Variants in GRK1 observed in about 807,000 individuals in gnomAD.
GRK1 encodes rhodopsin kinase GRK1.
A neutral mutation model predicts 41.7 loss-of-function variants in GRK1; 28 were observed. The observed-to-expected ratio is 0.67, with a 90% CI of 0.50 to 0.92. GRK1 has a LOEUF of 0.92. Among genes scored for constraint, GRK1 ranks in the 40% least tolerant of loss-of-function variants. GRK1 has a pLI of 0.00. For missense variants in GRK1, 703 were observed against 671.2 expected, an observed-to-expected ratio of 1.05 and a Z score of -0.52; for synonymous variants, 327 against 286.7, an observed-to-expected ratio of 1.14 and a Z score of -1.42.
In GRK1 at chr13:113,733,195, C is replaced by T. The variant is rs978434749; in HGVS notation, c.1396+110C>T. The T allele has an allele frequency of 1.1e-5, 12 of 1,075,004 alleles. No homozygotes were observed. The South Asian group carries it at 1.6e-4, about 15-fold the overall frequency. 66.6% of individuals were successfully genotyped at this position (1,075,004 alleles called of 1,614,324 possible). ...GTCGGCAGGGAGGAGTGCCTCAGACCCCCAAGGCTCTCCCTCTGCCCCCAG... is the reference window on the plus strand; with the variant it reads ...GTCGGCAGGGAGGAGTGCCTCAGACTCCCAAGGCTCTCCCTCTGCCCCCAG... On this transcript the variant is annotated intron_variant, in intron 6 of 6. Transcript: ENST00000335678.
intron 4 of GRK1, among the ~76,000 whole-genome samples, chr13:113,725,057 A>C (rs930948603): frequency 6.6e-6 from 1 of 152,248 alleles, no homozygotes; most frequent in Non-Finnish European, 1.5e-5. Context: ...GGCTGGGCTC[A>C]GGCTGTGACC....
rs2049858515 is a variant in GRK1 at position 113,671,641 on chromosome 13, C to T, written c.970C>T (p.Leu324=). The T allele has an allele frequency of 1.3e-6, 1 of 765,330 alleles. No individual in the cohort carries two copies. The highest frequency in any genetic ancestry group is 1.7e-5 in the African/African-American group (1 of 59,142). The allele number at this position is 765,330 out of a possible 1,614,324, so 47.4% of individuals were successfully genotyped here. ...CCGCGACCTCAAGCCCGAGAACGTG[C>T]TGCTGGACAATGACGGTAGGAGGTG... ...VYRDLKPENV[L]LDNDGNVRIS... is the part of the protein sequence containing the mutation. Residue 324 remains leucine, a synonymous_variant, in exon 3 of 7, where the codon CTG becomes TTG. Transcript: ENST00000335678. This position sits in a 1 kb window ranked among gnomAD's most constrained non-coding sequence, Gnocchi z 4.1.
At chr13:113,661,870 A>T in the GRK1 span, among the ~76,000 whole-genome samples, 2,863 of 152,350 alleles carry the variant, frequency 0.019, 99 homozygotes, top group African/African-American at 0.063. Flanking sequence ...CTAGGCCCAG[A>T]TGATTTCATG....
chr13:113,723,825 T>C (rs1484341036), intron 4 of GRK1, among the ~76,000 whole-genome samples: 1 of 146,742 alleles, frequency 6.8e-6, no homozygotes, highest in Non-Finnish European at 1.5e-5. Flanking sequence ...TGCCCATGCC[T>C]GTGTCTCTGT....
At chr13:113,666,434 G>C (rs765813018), upstream of GRK1, among the ~76,000 whole-genome samples, 7 of 150,878 alleles carry the variant, frequency 4.6e-5, no homozygotes, top group Admixed American at 2.6e-4. Context: ...TGTCCCAGCT[G>C]TCCCAGGTGT....
the GRK1 span, among the ~76,000 whole-genome samples, chr13:113,656,193 G>GC: frequency 2.1e-4 from 32 of 152,314 alleles, no homozygotes; most frequent in African/African-American, 7.7e-4. Context: ...CCTGGTGCTG[G>GC]CCCTGCAGGT....
chr13:113,733,906 CATACAGTGTGCGT>C, intron 6 of GRK1, among the ~76,000 whole-genome samples: 1 of 65,160 alleles, frequency 1.5e-5, no homozygotes, highest in Non-Finnish European at 2.6e-5. Context: ...TGTATGTGTG[CATACAGTGTGCGT>C]GTGTGCATGT....
the GRK1 span, among the ~76,000 whole-genome samples, chr13:113,659,703 G>A: frequency 6.6e-6 from 1 of 152,166 alleles, no homozygotes; most frequent in Non-Finnish European, 1.5e-5. Flanking sequence ...AAAGTGTTAG[G>A]ATTACAAGCG....
chr13:113,658,320 A>T, the GRK1 span: 1 of 620,754 alleles, frequency 1.6e-6, no homozygotes, highest in Non-Finnish European at 2.7e-6. Flanking sequence ...GCCTCACCAA[A>T]CACCAGGGGC....
chr13:113,734,061 CAT>C (rs879338361), intron 6 of GRK1, among the ~76,000 whole-genome samples: 10 of 149,944 alleles, frequency 6.7e-5, no homozygotes, highest in East Asian at 1.9e-4. Flanking sequence ...CGTGTGTGTG[CAT>C]GTGTGTGCGT....
At chr13:113,658,209 G>T in the GRK1 span, 2 of 1,459,872 alleles carry the variant, frequency 1.4e-6, no homozygotes, top group Non-Finnish European at 1.9e-6. Context: ...GAGGCCAGAT[G>T]CCCACCTCTG....
intron 4 of GRK1, among the ~76,000 whole-genome samples, chr13:113,728,508 T>A (rs147996505): frequency 1.3e-5 from 2 of 150,196 alleles, no homozygotes; most frequent in Non-Finnish European, 3.0e-5. Flanking sequence ...CCCATGGTGA[T>A]GAGTACCCAT....
the GRK1 span, among the ~76,000 whole-genome samples, chr13:113,662,147 T>C: frequency 6.6e-6 from 1 of 152,214 alleles, no homozygotes; most frequent in Admixed American, 6.5e-5. Flanking sequence ...ATTCCAGGAA[T>C]GCAAGGCTGG....
upstream of GRK1, among the ~76,000 whole-genome samples, chr13:113,666,278 G>T (rs1173054900): frequency 6.7e-6 from 1 of 150,004 alleles, no homozygotes; most frequent in Admixed American, 6.6e-5. Context: ...TCTCAGGTGT[G>T]CCCCAGGTGT....
upstream of GRK1, chr13:113,667,155 C>T (rs2049823508): frequency 3.9e-6 from 2 of 519,140 alleles, no homozygotes; most frequent in Non-Finnish European, 6.8e-6. This position sits in a 1 kb window ranked among gnomAD's most constrained non-coding sequence, Gnocchi z 7.5. Flanking sequence ...CCTAAGCGTC[C>T]TCCGTGACCC....
chr13:113,726,916 A>G (rs568195082), intron 4 of GRK1, among the ~76,000 whole-genome samples: 1 of 152,342 alleles, frequency 6.6e-6, no homozygotes, highest in Admixed American at 6.5e-5. Context: ...CTGTGGCCAC[A>G]TCAGCCTGGC....
chr13:113,652,583 C>T, the GRK1 span: 1 of 477,154 alleles, frequency 2.1e-6, no homozygotes, highest in East Asian at 4.2e-5. Flanking sequence ...CCTGGCATCT[C>T]TGGCTGCCCT....
At chr13:113,728,121 C>A (rs1417330763) in intron 4 of GRK1, among the ~76,000 whole-genome samples, 2 of 81,684 alleles carry the variant, frequency 2.4e-5, no homozygotes, top group Non-Finnish European at 4.4e-5. Flanking sequence ...GTACCCATGG[C>A]GATGAGGAGT....
In GRK1 at chr13:113,735,150, C is replaced by T. The variant is rs371636560; in HGVS notation, c.1479C>T (p.Val493=). 1.4e-5 allele frequency: 22 copies of T among 1,537,086 alleles called. No homozygotes were observed. Among genetic ancestry groups the T allele is most frequent in the Non-Finnish European group, 1.7e-5 (19 of 1,146,892 alleles). Residue 493 remains valine, a synonymous_variant, in exon 7 of 7, where the codon GTC becomes GTT. Coordinates refer to ENST00000335678, the MANE Select transcript of GRK1 (RefSeq NM_002929.3). ...DIQDVGAFST[V]KGVAFDKTDT... is the part of the protein sequence containing the mutation. ...AGGACGTGGGTGCCTTTTCCACCGTCAAAGGTGTGGCCTTTGACAAAACAG... is the reference window on the plus strand; with the variant it reads ...AGGACGTGGGTGCCTTTTCCACCGTTAAAGGTGTGGCCTTTGACAAAACAG...
Sources: allele counts gnomAD v4.1 joint callset (sites outside exome capture counted in the v4.1 genomes callset), GRCh38; gene constraint gnomAD v4.1.1; non-coding constraint Gnocchi (gnomAD v3.1); transcripts MANE v1.5; gene names NCBI Gene and HGNC (gene_info 2026-07-23, HGNC 2026-07-21).